The following ST6GALNAC3 variants were observed in gnomAD, a reference collection of about 807,000 sequenced individuals.
The protein encoded by ST6GALNAC3 is alpha-N-acetylgalactosaminide alpha-2,6-sialyltransferase 3.
In ST6GALNAC3, 25 loss-of-function variants were observed where a neutral mutation model predicts 32.7. The observed-to-expected ratio is 0.76, with a 90% confidence interval of 0.56 to 1.07. ST6GALNAC3 has a LOEUF of 1.07. Among genes scored for constraint, ST6GALNAC3 ranks in the 50% least tolerant of loss-of-function variants. ST6GALNAC3 has a pLI of 0.00. For missense variants in ST6GALNAC3, 355 were observed against 382.4 expected, an observed-to-expected ratio of 0.93 and a Z score of 0.60; for synonymous variants, 129 against 133.1, an observed-to-expected ratio of 0.97 and a Z score of 0.21.
intron 2 of ST6GALNAC3, among the ~76,000 whole-genome samples, chr1:76,340,441 G>A (rs912346790): frequency 6.6e-6 from 1 of 152,148 alleles, no homozygotes; most frequent in Non-Finnish European, 1.5e-5. Context: ...GGTGCCAAAG[G>A]GGGCCCAGAG....
intron 3 of ST6GALNAC3, among the ~76,000 whole-genome samples, chr1:76,550,459 T>C (rs1664554082): frequency 6.6e-6 from 1 of 152,224 alleles, no homozygotes; most frequent in Admixed American, 6.5e-5. Context: ...TGCATGTATG[T>C]GTGTGTCTCT....
At chr1:76,560,879 C>T (rs1665204954) in intron 3 of ST6GALNAC3, among the ~76,000 whole-genome samples, 1 of 152,182 alleles carries the variant, frequency 6.6e-6, no homozygotes, top group African/African-American at 2.4e-5. Flanking sequence ...GAGATATCTG[C>T]ATTCCCATGT....
At chr1:76,581,191 T>C (rs1001585735) in intron 3 of ST6GALNAC3, among the ~76,000 whole-genome samples, 1 of 152,130 alleles carries the variant, frequency 6.6e-6, no homozygotes, top group Non-Finnish European at 1.5e-5. Context: ...CCTCATCTTC[T>C]TTTTATTGGC....
rs551874087 is a variant in ST6GALNAC3, at chr1:76,186,466, GA to G, written c.18+111591del. On this transcript the variant is annotated intron_variant, in intron 1 of 4. Coordinates refer to ENST00000328299, the MANE Select transcript of ST6GALNAC3 (RefSeq NM_152996.4). ...TTCCATTCTCATAGTAATCCTGAGG[GA>G]AAAAAAAAGCAGTATTTTCTTTGTT... Among the ~76,000 whole-genome samples, 1,023 of 150,682 alleles carry G rather than the reference GA, an allele frequency of 6.8e-3. 3 individuals carry two copies. The highest frequency in any genetic ancestry group is 0.027 in the Middle Eastern group (8 of 292).
intron 1 of ST6GALNAC3, among the ~76,000 whole-genome samples, chr1:76,278,592 C>A (rs1407702516): frequency 6.6e-6 from 1 of 150,926 alleles, no homozygotes; most frequent in Non-Finnish European, 1.5e-5. Flanking sequence ...TTGAGGAAAC[C>A]AAATCCCTGA....
chr1:76,220,482 G>A (rs190097301), intron 1 of ST6GALNAC3, among the ~76,000 whole-genome samples: 2 of 152,134 alleles, frequency 1.3e-5, no homozygotes, highest in East Asian at 3.9e-4. Flanking sequence ...AATATTTGAG[G>A]GCATACTATA....
chr1:76,566,033 A>C (rs1665534910), intron 3 of ST6GALNAC3, among the ~76,000 whole-genome samples: 1 of 152,194 alleles, frequency 6.6e-6, no homozygotes, highest in Non-Finnish European at 1.5e-5. Flanking sequence ...CTACATATTT[A>C]TCTTTGATCA....
chr1:76,304,015 G>C (rs1660885649), intron 1 of ST6GALNAC3, among the ~76,000 whole-genome samples: 1 of 151,344 alleles, frequency 6.6e-6, no homozygotes, highest in African/African-American at 2.4e-5. Flanking sequence ...AAATCTTAAA[G>C]TGAGATGAAT....
At chr1:76,208,895 G>A (rs912817356) in intron 1 of ST6GALNAC3, among the ~76,000 whole-genome samples, 4 of 152,016 alleles carry the variant, frequency 2.6e-5, no homozygotes, top group Non-Finnish European at 5.9e-5. Flanking sequence ...GATTTTATAA[G>A]GTCTCTCTTG....
chr1:76,136,309 C>G (rs1649947329), intron 1 of ST6GALNAC3, among the ~76,000 whole-genome samples: 1 of 152,160 alleles, frequency 6.6e-6, no homozygotes, highest in African/African-American at 2.4e-5. Context: ...TGTCAATAGT[C>G]TCTTTGTTCT....
At chr1:76,344,660 G>T (rs1055435870) in intron 2 of ST6GALNAC3, among the ~76,000 whole-genome samples, 1 of 152,124 alleles carries the variant, frequency 6.6e-6, no homozygotes, top group Non-Finnish European at 1.5e-5. Flanking sequence ...AGGGAGATAT[G>T]GAATTTTGAA....
At chr1:76,398,850 C>G (rs1051934077) in intron 2 of ST6GALNAC3, among the ~76,000 whole-genome samples, 1 of 152,180 alleles carries the variant, frequency 6.6e-6, no homozygotes, top group African/African-American at 2.4e-5. Context: ...TTGCCTGAGA[C>G]TTCCAGTTGC....
chr1:76,332,577 AG>A (rs1170754286), intron 2 of ST6GALNAC3, among the ~76,000 whole-genome samples: 1 of 152,118 alleles, frequency 6.6e-6, no homozygotes, highest in East Asian at 1.9e-4. Context: ...GGTTATTCTA[AG>A]GGTTTCAGGT....
intron 2 of ST6GALNAC3, among the ~76,000 whole-genome samples, chr1:76,338,774 G>A (rs921117666): frequency 2.0e-5 from 3 of 151,180 alleles, no homozygotes; most frequent in African/African-American, 7.3e-5. Context: ...CCTATTCTAG[G>A]GCATTCCTAT....
chr1:76,136,023 T>G (rs1160419437), intron 1 of ST6GALNAC3, among the ~76,000 whole-genome samples: 1 of 152,184 alleles, frequency 6.6e-6, no homozygotes, highest in Non-Finnish European at 1.5e-5. Flanking sequence ...TGGTGCTTGC[T>G]CATGTGCAGT....
chr1:76,448,996 T>C (rs1442788759), intron 3 of ST6GALNAC3, among the ~76,000 whole-genome samples: 1 of 152,094 alleles, frequency 6.6e-6, no homozygotes, highest in Non-Finnish European at 1.5e-5. Flanking sequence ...CTAATTTTTG[T>C]ATTTTTAGTA....
At chr1:76,407,222 C>T (rs1049173517) in intron 2 of ST6GALNAC3, among the ~76,000 whole-genome samples, 2 of 152,024 alleles carry the variant, frequency 1.3e-5, no homozygotes, top group African/African-American at 4.8e-5. Flanking sequence ...CACAGCTTAG[C>T]GCTGTGTGCT....
chr1:76,275,801 A>G lies in ST6GALNAC3; in HGVS notation c.19-38004A>G, dbSNP rs150018833. On this transcript the variant is annotated intron_variant, in intron 1 of 4. Transcript: ENST00000328299. ...TATTTACTGTCTTGTATATACTTGT[A>G]TTGTCTTGTATATACTTGTCTTGTA... is the stretch of plus-strand genomic sequence containing the variant. Among the ~76,000 whole-genome samples, 239 of 152,194 alleles carry G rather than the reference A, an allele frequency of 1.6e-3. 1 individual carries two copies. The Middle Eastern group carries it at 0.02, about 13-fold the overall frequency.
intron 1 of ST6GALNAC3, among the ~76,000 whole-genome samples, chr1:76,211,244 T>G (rs1032467766): frequency 3.3e-5 from 5 of 152,192 alleles, no homozygotes; most frequent in African/African-American, 1.2e-4. Context: ...AGATACCATC[T>G]CACACCAGTT....
Sources: allele counts gnomAD v4.1 joint callset (sites outside exome capture counted in the v4.1 genomes callset), GRCh38; gene constraint gnomAD v4.1.1; transcripts MANE v1.5; gene names NCBI Gene and HGNC (gene_info 2026-07-23, HGNC 2026-07-21).